Variants in SRBD1 observed in about 807,000 individuals in gnomAD.
SRBD1 encodes the protein S1 RNA binding domain 1.
A neutral mutation model predicts 115.3 loss-of-function variants in SRBD1; 88 were observed. The ratio of observed to expected loss-of-function variants is 0.76; its 90% CI spans 0.64 to 0.91. SRBD1 has a LOEUF of 0.91. SRBD1 is among the 40% of genes least tolerant of loss of function. SRBD1 has a pLI of 0.00. For synonymous variants in SRBD1, 509 were observed against 407.7 expected (o/e 1.25, Z -2.99); for missense variants, 1,385 against 1,177.4 (o/e 1.18, Z -2.58).
chr2:45,462,817 C>T (rs1009783422), intron 16 of SRBD1, among the ~76,000 whole-genome samples: 2 of 151,880 alleles, frequency 1.3e-5, no homozygotes, highest in Non-Finnish European at 2.9e-5. Context: ...CAGAGCGAGA[C>T]TGCATCTCAA....
At chr2:45,543,831 G>A (rs1035352180) in intron 14 of SRBD1, among the ~76,000 whole-genome samples, 4 of 152,012 alleles carry the variant, frequency 2.6e-5, no homozygotes, top group African/African-American at 2.4e-5. Flanking sequence ...TGCAAAAATG[G>A]TTCAACTGTA....
At chr2:45,492,160 G>A (rs1250076614) in intron 14 of SRBD1, among the ~76,000 whole-genome samples, 1 of 152,132 alleles carries the variant, frequency 6.6e-6, no homozygotes, top group Non-Finnish European at 1.5e-5. Context: ...ATTCAATGGT[G>A]TTACTTACAA....
chr2:45,500,227 C>CGTGT (rs1670585150), intron 14 of SRBD1, among the ~76,000 whole-genome samples: 3 of 78,046 alleles, frequency 3.8e-5, no homozygotes, highest in African/African-American at 1.3e-4. Context: ...TTAAATTTAT[C>CGTGT]CTGTGTGTGT....
chr2:45,438,665 C>G (rs974552590), intron 16 of SRBD1, among the ~76,000 whole-genome samples: 4 of 151,892 alleles, frequency 2.6e-5, no homozygotes, highest in Non-Finnish European at 4.4e-5. Flanking sequence ...AGAAATTATC[C>G]TATCTGAAGA....
intron 9 of SRBD1, among the ~76,000 whole-genome samples, chr2:45,569,974 A>T (rs1672958457): frequency 6.6e-6 from 1 of 152,262 alleles, no homozygotes; most frequent in Non-Finnish European, 1.5e-5. Context: ...TCAGACATTC[A>T]CTAGAGCAGA....
intron 16 of SRBD1, among the ~76,000 whole-genome samples, chr2:45,474,413 C>A (rs1050421420): frequency 6.6e-6 from 1 of 152,178 alleles, no homozygotes; most frequent in South Asian, 2.1e-4. Context: ...TGCCAGGTGT[C>A]ATGTACATGG....
chr2:45,558,213 C>G (rs1558477348), intron 10 of SRBD1, among the ~76,000 whole-genome samples: 2 of 152,062 alleles, frequency 1.3e-5, no homozygotes, highest in Non-Finnish European at 2.9e-5. Flanking sequence ...GCCTGCAGTC[C>G]CAGCTAATTT....
At chr2:45,404,330 T>C (rs1334297617) in intron 19 of SRBD1, among the ~76,000 whole-genome samples, 1 of 152,100 alleles carries the variant, frequency 6.6e-6, no homozygotes, top group Non-Finnish European at 1.5e-5. Flanking sequence ...AGAATATAAA[T>C]TTGGAAGTAA....
chr2:45,459,487 C>T (rs548520793), intron 16 of SRBD1, among the ~76,000 whole-genome samples: 66 of 152,176 alleles, frequency 4.3e-4, no homozygotes, highest in Non-Finnish European at 7.2e-4. Flanking sequence ...AACTAAATGA[C>T]CTTGAGGGTC....
intron 4 of SRBD1, among the ~76,000 whole-genome samples, chr2:45,593,029 ACATT>A (rs1329098285): frequency 6.6e-6 from 1 of 152,226 alleles, no homozygotes; most frequent in African/African-American, 2.4e-5. Flanking sequence ...TAAGCGATTC[ACATT>A]TATTACTTTT....
At chr2:45,532,666 T>C (rs930200653) in intron 14 of SRBD1, among the ~76,000 whole-genome samples, 6 of 151,746 alleles carry the variant, frequency 4.0e-5, no homozygotes, top group African/African-American at 1.5e-4. Context: ...AGCGGAAAAG[T>C]AATGGGAATT....
chr2:45,418,595 G>C, intron 17 of SRBD1, 54 bp from the exon 18 acceptor site: 2 of 1,335,860 alleles, frequency 1.5e-6, no homozygotes, highest in Non-Finnish European at 2.0e-6. Context: ...AAAAGACAAT[G>C]ATATAAAACA....
At chr2:45,545,646 G>A (rs1196915919) in intron 14 of SRBD1, among the ~76,000 whole-genome samples, 1 of 152,116 alleles carries the variant, frequency 6.6e-6, no homozygotes, top group African/African-American at 2.4e-5. Flanking sequence ...AAGATCCACC[G>A]TATTTCCCAG....
chr2:45,506,724 C>G (rs796871743), intron 14 of SRBD1, among the ~76,000 whole-genome samples: 18 of 152,234 alleles, frequency 1.2e-4, no homozygotes, highest in African/African-American at 4.3e-4. Flanking sequence ...GATAAAAACA[C>G]CAATTAATAC....
At chr2:45,481,361 A>T (rs1162075598) in intron 15 of SRBD1, among the ~76,000 whole-genome samples, 1 of 152,156 alleles carries the variant, frequency 6.6e-6, no homozygotes, top group Non-Finnish European at 1.5e-5. Context: ...TCAGGCTGAC[A>T]AAAGATTCTT....
intron 14 of SRBD1, among the ~76,000 whole-genome samples, chr2:45,493,996 TAC>T (rs1374398764): frequency 2.0e-5 from 3 of 152,000 alleles, no homozygotes; most frequent in Admixed American, 2.0e-4. Flanking sequence ...TTTTTAGCAA[TAC>T]ATGCAAATGA....
At chr2:45,535,782 C>G (rs1258225696) in intron 14 of SRBD1, among the ~76,000 whole-genome samples, 1 of 151,990 alleles carries the variant, frequency 6.6e-6, no homozygotes, top group Non-Finnish European at 1.5e-5. Context: ...ACTCTTTTAT[C>G]CACTGATTAG....
At chr2:45,520,310 AG>A (rs1437553778) in intron 14 of SRBD1, among the ~76,000 whole-genome samples, 1 of 152,208 alleles carries the variant, frequency 6.6e-6, no homozygotes, top group Non-Finnish European at 1.5e-5. Context: ...AGGATGATCC[AG>A]AAGAGACCCT....
At chr2:45,494,265 CTTGT>C (rs953421537) in intron 14 of SRBD1, among the ~76,000 whole-genome samples, 5 of 151,846 alleles carry the variant, frequency 3.3e-5, no homozygotes, top group South Asian at 2.1e-4. Context: ...TAATTGTATT[CTTGT>C]TTAAGTTTTT....
Sources: gnomAD v4.1 joint callset for allele counts (sites outside exome capture counted in the v4.1 genomes callset) on GRCh38, gnomAD v4.1.1 for gene constraint, MANE v1.5 for transcripts, NCBI Gene and HGNC (gene_info 2026-07-23, HGNC 2026-07-21) for gene names.